The following CD109 variants were observed in gnomAD, a reference collection of about 807,000 sequenced individuals.
The protein encoded by CD109 is CD109 antigen.
A neutral mutation model predicts 165.8 loss-of-function variants in CD109; 149 were observed. The observed-to-expected ratio is 0.90, with a 90% CI of 0.79 to 1.03. CD109 has a LOEUF of 1.03. CD109 is among the 50% of genes least tolerant of loss of function. The pLI, the probability that CD109 is intolerant of heterozygous loss-of-function variation, is 0.00. For synonymous variants in CD109, 585 were observed against 592.1 expected (o/e 0.99, Z 0.18); for missense variants, 1,712 against 1,677.8 (o/e 1.02, Z -0.36).
rs571346833 is a variant in CD109 at position 73,700,356 on chromosome 6, G to T, written c.247+2784G>T. Among the ~76,000 whole-genome samples the T allele has an allele frequency of 2.0e-5, 3 of 152,204 alleles. No individual in the cohort carries two copies. The South Asian group carries it at 6.2e-4, about 32-fold the overall frequency. On this transcript the variant is annotated intron_variant, in intron 2 of 32. Transcript: ENST00000287097. Reference sequence around the variant, plus strand: ...CTGCCTCAGCCTCCCGAAGTGCTGGGATTATGGGTATGAGCCTGATTGTTT... The same window carrying T: ...CTGCCTCAGCCTCCCGAAGTGCTGGTATTATGGGTATGAGCCTGATTGTTT...
Position 73,818,411 on chromosome 6 carries a change from G to A in CD109, c.3935G>A (p.Gly1312Asp), listed in dbSNP as rs770376369. The change falls in exon 31 of 33, where the codon GGC becomes GAC. Residue 1312 changes from glycine to aspartate, a missense_variant. Gly to Asp is a moderately conservative substitution (Grantham distance 94, BLOSUM62 -1). Coordinates refer to ENST00000287097, the MANE Select transcript of CD109 (RefSeq NM_133493.5). ...CTSFSGPGRS[G>D]MALMEVNLLS... ...AGCTTTTCGGGCCCGGGTAGGAGTG[G>A]CATGGCTCTTATGGAAGTTAACCTA... 5.6e-6 allele frequency: 9 copies of A among 1,613,706 alleles called. No individual in the cohort carries two copies. The South Asian group carries it at 9.9e-5, about 18-fold the overall frequency.
the CD109 span, among the ~76,000 whole-genome samples, chr6:73,681,564 G>A: frequency 1.1e-4 from 17 of 152,016 alleles, no homozygotes; most frequent in African/African-American, 3.4e-4. Context: ...TTACATGGAT[G>A]GCAGCAGGCA....
intron 10 of CD109, among the ~76,000 whole-genome samples, chr6:73,764,734 T>G (rs995910674): frequency 5.3e-5 from 8 of 150,966 alleles, no homozygotes; most frequent in Non-Finnish European, 1.0e-4. Flanking sequence ...AAGAATCGCT[T>G]GAACCCGGGA....
At chr6:73,793,977 G>T (rs1406532841) in intron 23 of CD109, among the ~76,000 whole-genome samples, 1 of 152,130 alleles carries the variant, frequency 6.6e-6, no homozygotes, top group Admixed American at 6.5e-5. Flanking sequence ...GTAGGGGCAA[G>T]CTATTAATTG....
intron 2 of CD109, among the ~76,000 whole-genome samples, chr6:73,714,581 C>T (rs1771656236): frequency 6.6e-6 from 1 of 152,204 alleles, no homozygotes; most frequent in Admixed American, 6.5e-5. Flanking sequence ...TTTAACTTTC[C>T]TTTGAAGAGG....
intron 10 of CD109, among the ~76,000 whole-genome samples, chr6:73,764,816 C>CAAA (rs1363569119): frequency 9.8e-5 from 6 of 61,136 alleles, no homozygotes; most frequent in African/African-American, 1.6e-4. Context: ...AACTCCATTT[C>CAAA]AAAAAAAAAA....
intron 23 of CD109, among the ~76,000 whole-genome samples, chr6:73,793,668 G>A (rs550431133): frequency 2.6e-5 from 4 of 152,332 alleles, no homozygotes; most frequent in African/African-American, 7.2e-5. Flanking sequence ...CACGTTTGAT[G>A]TTAATAGTAA....
chr6:73,802,695 C>CTT (rs572988991), intron 23 of CD109, among the ~76,000 whole-genome samples: 25 of 127,930 alleles, frequency 2.0e-4, no homozygotes, highest in East Asian at 1.1e-3. Flanking sequence ...ATATCACAGG[C>CTT]TTTTTTTTTT....
chr6:73,696,490 C>G (rs1441326581), intron 1 of CD109, among the ~76,000 whole-genome samples: 1 of 152,248 alleles, frequency 6.6e-6, no homozygotes, highest in Non-Finnish European at 1.5e-5. Flanking sequence ...GGACAGTTAA[C>G]TTTCTCCACT....
At chr6:73,790,645 C>T (rs1252562601) in intron 22 of CD109, among the ~76,000 whole-genome samples, 1 of 152,052 alleles carries the variant, frequency 6.6e-6, no homozygotes, top group East Asian at 1.9e-4. Flanking sequence ...ATGTAAATCC[C>T]AGTCCTAGGA....
At chr6:73,686,928 G>A in the CD109 span, among the ~76,000 whole-genome samples, 1 of 152,198 alleles carries the variant, frequency 6.6e-6, no homozygotes, top group African/African-American at 2.4e-5. Flanking sequence ...CTGACCTCAA[G>A]TGATCCACCC....
At chr6:73,759,170 ATAAT>A in intron 7 of CD109, 142 bp downstream of exon 7, 2 of 612,596 alleles carry the variant, frequency 3.3e-6, no homozygotes, top group South Asian at 4.1e-5. Flanking sequence ...TTTATAATAA[ATAAT>A]TAAGCATGGG....
At chr6:73,773,369 A>G (rs901231490) in intron 15 of CD109, among the ~76,000 whole-genome samples, 1 of 151,860 alleles carries the variant, frequency 6.6e-6, no homozygotes, top group Non-Finnish European at 1.5e-5. Flanking sequence ...TTTAAATAGC[A>G]TATTATTATA....
Position 73,792,746 on chromosome 6 carries a change from A to G in CD109, c.2822A>G (p.Lys941Arg), listed in dbSNP as rs374338025. The change falls in exon 23 of 33, where the codon AAA (lysine) becomes AGA (arginine). Residue 941 changes from lysine (K) to arginine (R), a missense_variant. Lys to Arg is a conservative substitution (Grantham distance 26, BLOSUM62 2). Coordinates refer to ENST00000287097, the MANE Select transcript of CD109 (RefSeq NM_133493.5). ...PNIYILDYLT[K>R]KKQLTDNLKE... ...ATTTACATTTTGGATTATCTGACTA[A>G]AAAGAAACAACTGACAGATAATTTG... The G allele has an allele frequency of 6.2e-7, 1 of 1,612,696 alleles. No individual in the cohort carries two copies. Among genetic ancestry groups the G allele is most frequent in the Non-Finnish European group, 8.5e-7 (1 of 1,179,820 alleles).
At chr6:73,680,865 C>G in the CD109 span, among the ~76,000 whole-genome samples, 5 of 152,142 alleles carry the variant, frequency 3.3e-5, no homozygotes, top group African/African-American at 1.2e-4. Context: ...AGTGGAAGAG[C>G]CAAAGACTGG....
chr6:73,735,309 T>A (rs1210429639), intron 4 of CD109, among the ~76,000 whole-genome samples: 3 of 152,246 alleles, frequency 2.0e-5, no homozygotes, highest in Non-Finnish European at 1.5e-5. Flanking sequence ...GCTTTTTATA[T>A]GCCAGGGACT....
intron 5 of CD109, among the ~76,000 whole-genome samples, chr6:73,745,501 T>A (rs754756444): frequency 2.0e-5 from 3 of 152,180 alleles, no homozygotes; most frequent in Non-Finnish European, 4.4e-5. Flanking sequence ...CTACTTCTTT[T>A]ATATGACTTG....
At chr6:73,689,859 A>G in the CD109 span, among the ~76,000 whole-genome samples, 1 of 152,238 alleles carries the variant, frequency 6.6e-6, no homozygotes, top group Non-Finnish European at 1.5e-5. Flanking sequence ...ACCATTGATT[A>G]TAAGATCAGA....
the CD109 span, among the ~76,000 whole-genome samples, chr6:73,680,742 A>G: frequency 2.6e-5 from 4 of 152,172 alleles, no homozygotes; most frequent in East Asian, 1.9e-4. Context: ...CAACTGCTTA[A>G]TTGTGCACTT....
Sources: gnomAD v4.1 joint callset for allele counts (sites outside exome capture counted in the v4.1 genomes callset) on GRCh38, gnomAD v4.1.1 for gene constraint, MANE v1.5 for transcripts, NCBI Gene and HGNC (gene_info 2026-07-23, HGNC 2026-07-21) for gene names.